Variants in RLBP1 observed in about 807,000 individuals in gnomAD.
RLBP1 encodes retinaldehyde-binding protein 1.
Under a neutral mutation model 36.2 loss-of-function variants are expected in RLBP1, and 26 were observed. The ratio of observed to expected loss-of-function variants is 0.72; its 90% confidence interval spans 0.53 to 1.00. RLBP1 has a LOEUF of 1.00. RLBP1 is among the 50% of genes least tolerant of loss of function. The pLI is 0.00. For missense variants in RLBP1, 410 were observed against 402.4 expected, an observed-to-expected ratio of 1.02 and a Z score of -0.16; for synonymous variants, 155 against 156.2, an observed-to-expected ratio of 0.99 and a Z score of 0.06.
At chr15:89,216,837 C>T (rs972023293) in intron 5 of RLBP1, among the ~76,000 whole-genome samples, 1 of 152,182 alleles carries the variant, frequency 6.6e-6, no homozygotes, top group Admixed American at 6.5e-5. Flanking sequence ...TTCCTCCCCT[C>T]GTCACCCAAA....
intron 6 of RLBP1, among the ~76,000 whole-genome samples, chr15:89,212,267 A>T (rs1288002911): frequency 6.6e-6 from 1 of 152,234 alleles, no homozygotes; most frequent in Non-Finnish European, 1.5e-5. Flanking sequence ...ATTATTGTAG[A>T]ATATAATCCC....
At chr15:89,216,523 C>T (rs1335001930) in intron 5 of RLBP1, among the ~76,000 whole-genome samples, 2 of 152,102 alleles carry the variant, frequency 1.3e-5, no homozygotes, top group African/African-American at 2.4e-5. Flanking sequence ...GGTTTCTCCA[C>T]GTTGGTCAGG....
chr15:89,219,085 T>G lies in RLBP1; in HGVS notation c.-100-10A>C. ...GGATAGGAAGTCAGGGCTGCAGGGG[T>G]TAGAAAAACCATTCTGTTATTGTCT... On this transcript the variant is annotated splice_polypyrimidine_tract_variant and intron_variant, in intron 2 of 8. Coordinates refer to ENST00000268125, the MANE Select transcript of RLBP1 (RefSeq NM_000326.5). 8.0e-7 allele frequency: 1 copy of G among 1,249,204 alleles called. No individual in the cohort carries two copies. The highest frequency in any genetic ancestry group is 1.2e-6 in the Non-Finnish European group (1 of 853,204). The allele number at this position is 1,249,204 out of a possible 1,614,324, so 77.4% of individuals were successfully genotyped here.
chr15:89,221,003 CTTTT>C lies in RLBP1; in HGVS notation c.-224+528_-224+531del, dbSNP rs562626834. Among the ~76,000 whole-genome samples, 270 of 129,272 alleles carry C rather than the reference CTTTT, an allele frequency of 2.1e-3. 8 individuals are homozygous for C. Among genetic ancestry groups the C allele is most frequent in the South Asian group, 0.01 (40 of 3,962 alleles). 84.8% of individuals were successfully genotyped at this position (129,272 alleles called of 152,430 possible). ...TACAGAATGCCCAGTTAAATGTGAA[CTTTT>C]TTTTTTTTTTTTTTTTTGAGATGGA... On this transcript the variant is annotated intron_variant, in intron 1 of 8. Coordinates refer to ENST00000268125, the MANE Select transcript of RLBP1 (RefSeq NM_000326.5).
At chr15:89,219,127 A>C in intron 2 of RLBP1, 52 bp from the exon 3 acceptor site, 49 of 888,034 alleles carry the variant, frequency 5.5e-5, no homozygotes, top group Middle Eastern at 3.2e-4. Flanking sequence ...TGTGGATCTC[A>C]AACTTTCAAT....
Position 89,217,165 on chromosome 15 carries a change from G to A in RLBP1, c.301C>T (p.Arg101Cys), listed in dbSNP as rs1370201404. The change falls in exon 5 of 9, where the codon CGC (arginine) becomes TGC (cysteine). Residue 101 changes from arginine to cysteine, a missense_variant. Coordinates refer to ENST00000268125, the MANE Select transcript of RLBP1 (RefSeq NM_000326.5). ...KDSGFFLRFIRARKFNVGRAY... is the reference protein window; with the variant it reads ...KDSGFFLRFICARKFNVGRAY... ...CGGCCCACGTTGAACTTCCGTGCGC[G>A]GATGAAGCGCAGGAAGAAGCCGCTG... is the stretch of plus-strand genomic sequence containing the variant. The A allele has an allele frequency of 6.2e-7, 1 of 1,614,010 alleles. No homozygotes were observed. Among genetic ancestry groups the A allele is most frequent in the Non-Finnish European group, 8.5e-7 (1 of 1,180,032 alleles).
rs2051522979 is a variant in RLBP1, at chr15:89,210,005, G to A, written c.*280C>T. 6 of 480,988 alleles carry A rather than the reference G, an allele frequency of 1.2e-5. No individual in the cohort carries two copies. Among genetic ancestry groups the A allele is most frequent in the East Asian group, 7.6e-5 (2 of 26,336 alleles). 29.8% of individuals were successfully genotyped at this position (480,988 alleles called of 1,614,324 possible). A position where few individuals can be genotyped will look rare whatever the true frequency, so the allele number is the denominator to read the frequency against. On this transcript the variant is annotated 3_prime_UTR_variant, in exon 9 of 9. Coordinates refer to ENST00000268125, the MANE Select transcript of RLBP1 (RefSeq NM_000326.5). This position sits in a 1 kb window ranked among gnomAD's most constrained non-coding sequence, Gnocchi z 4.7. Reference sequence around the variant, plus strand: ...AGGAAATGACTGAGAAAATGAATTCGAGTCTTTGAAATACAACCTTACACA... The same window carrying A: ...AGGAAATGACTGAGAAAATGAATTCAAGTCTTTGAAATACAACCTTACACA...
Position 89,217,295 on chromosome 15 carries a change from C to T in RLBP1, c.171G>A (p.Glu57=). The change falls in exon 5 of 9, where the codon GAG becomes GAA. Residue 57 remains glutamate (E), a synonymous_variant. Coordinates refer to ENST00000268125, the MANE Select transcript of RLBP1 (RefSeq NM_000326.5). The part of the protein sequence containing the change: ...KAKDELNERE[E]TREEAVRELQ... ...GCTCTCGCACTGCCTCCTCCCGGGT[C>T]TCCTCTCTCTCGTTCAGCTCATCCT... 1 of 1,607,556 alleles carries T rather than the reference C, an allele frequency of 6.2e-7. No individual in the cohort carries two copies. Among genetic ancestry groups the T allele is most frequent in the Admixed American group, 1.7e-5 (1 of 60,024 alleles).
Position 89,210,070 on chromosome 15 carries a change from T to A in RLBP1, c.*215A>T, listed in dbSNP as rs1204593500. ...AAAGCTTCAAGGGCAGGTGGAAATA[T>A]AACTATCCCCAGTTCTTCTTGTTCA... On this transcript the variant is annotated 3_prime_UTR_variant, in exon 9 of 9. Coordinates refer to ENST00000268125, the MANE Select transcript of RLBP1 (RefSeq NM_000326.5). The surrounding 1 kb of genome is among the most constrained non-coding windows in gnomAD (Gnocchi z 4.7). 5.0e-6 allele frequency: 3 copies of A among 594,078 alleles called. No homozygotes were observed. The East Asian group carries it at 8.5e-5, about 17-fold the overall frequency. The allele number at this position is 594,078 out of a possible 1,614,324, so 36.8% of individuals were successfully genotyped here. A position where few individuals can be genotyped will look rare whatever the true frequency, so the allele number is the denominator to read the frequency against.
intron 5 of RLBP1, among the ~76,000 whole-genome samples, chr15:89,215,464 G>A (rs148164842): frequency 3.3e-4 from 50 of 152,250 alleles, no homozygotes; most frequent in Middle Eastern, 3.4e-3. Context: ...AAATTGTTGT[G>A]GCAATCAAAT....
intron 6 of RLBP1, 27 bp downstream of exon 6, chr15:89,215,033 G>A (rs2051567444): frequency 1.2e-6 from 2 of 1,613,074 alleles, no homozygotes; most frequent in Non-Finnish European, 1.7e-6. Context: ...AGCCCACAGG[G>A]TGGGAGCCAG....
chr15:89,217,567 T>C (rs923436842), intron 4 of RLBP1, among the ~76,000 whole-genome samples: 7 of 152,250 alleles, frequency 4.6e-5, no homozygotes, highest in African/African-American at 7.2e-5. Flanking sequence ...TAAAAATGAC[T>C]GCCTACACTC....
intron 1 of RLBP1, among the ~76,000 whole-genome samples, chr15:89,221,267 C>G (rs934009273): frequency 1.3e-5 from 2 of 152,114 alleles, no homozygotes; most frequent in Non-Finnish European, 2.9e-5. Context: ...CCTCGGCCTC[C>G]CAAAGTGCTG....
In RLBP1 at chr15:89,210,354, C is replaced by T. The variant is rs765545676; in HGVS notation, c.885G>A (p.Lys295=). The part of the protein sequence containing the change: ...LPSDFGGTLP[K]YDGKAVAEQL... Reference sequence around the variant, plus strand: ...GCTCAGCAACGGCCTTGCCATCATACTTGGGCAGCGTGCCCCCGAAGTCAG... The same window carrying T: ...GCTCAGCAACGGCCTTGCCATCATATTTGGGCAGCGTGCCCCCGAAGTCAG... The change falls in exon 9 of 9, where the codon AAG becomes AAA. Residue 295 remains lysine, a synonymous_variant. Transcript: ENST00000268125. This position sits in a 1 kb window ranked among gnomAD's most constrained non-coding sequence, Gnocchi z 4.7. 4.8e-5 allele frequency: 78 copies of T among 1,614,142 alleles called. 1 individual carries two copies. The South Asian group carries it at 8.3e-4, about 17-fold the overall frequency.
chr15:89,210,526 C>T lies in RLBP1; in HGVS notation c.796-83G>A. The T allele has an allele frequency of 6.7e-7, 1 of 1,495,686 alleles. No individual in the cohort carries two copies. The highest frequency in any genetic ancestry group is 9.3e-7 in the Non-Finnish European group (1 of 1,076,200). The allele number at this position is 1,495,686 out of a possible 1,614,324, so 92.7% of individuals were successfully genotyped here. A position where few individuals can be genotyped will look rare whatever the true frequency, so the allele number is the denominator to read the frequency against. On this transcript the variant is annotated intron_variant, in intron 8 of 8. Transcript: ENST00000268125. The surrounding 1 kb of genome is among the most constrained non-coding windows in gnomAD (Gnocchi z 4.7). The stretch of plus-strand genomic sequence containing the variant: ...TTGAGGGAGGAAAGGGGCAGGAGGA[C>T]AAAGCCCCATCATGTGCAGTCTTTG...
At chr15:89,215,025 CCCACAGGGTGGGAG>C (rs1274767179) in intron 6 of RLBP1, 21 bp downstream of exon 6, 11 of 1,611,114 alleles carry the variant, frequency 6.8e-6, no homozygotes, top group Non-Finnish European at 9.3e-6. Context: ...GGGAACCCAG[CCCACAGGGTGGGAG>C]CCAGGCGAGC....
At chr15:89,212,014 G>T in intron 6 of RLBP1, 113 bp from the exon 7 acceptor site, 2 of 1,118,262 alleles carry the variant, frequency 1.8e-6, no homozygotes, top group Non-Finnish European at 2.6e-6. Context: ...TTTGCTGCAG[G>T]CTTTGATCTC....
Position 89,218,757 on chromosome 15 carries a change from G to T in RLBP1, c.13-64C>A. ...TCAGCCTGAGCCAGCCAGGGAAATG[G>T]GCCTGCTCAGACCTTCAGTTCTTTT... On this transcript the variant is annotated intron_variant, in intron 3 of 8. Transcript: ENST00000268125. The surrounding 1 kb of genome is among the most constrained non-coding windows in gnomAD (Gnocchi z 4.6). 4 of 1,608,606 alleles carry T rather than the reference G, an allele frequency of 2.5e-6. No homozygotes were observed. Among genetic ancestry groups the T allele is most frequent in the Non-Finnish European group, 3.4e-6 (4 of 1,179,076 alleles).
chr15:89,218,905 GAAGA>G lies in RLBP1; in HGVS notation c.12+55_12+58del. ...AGAGAAGTAAGGAGGGAGGGAGAGG[GAAGA>G]GAGAGAAGAGAGGGAAGGTGGGTGG... On this transcript the variant is annotated intron_variant, in intron 3 of 8. Coordinates refer to ENST00000268125, the MANE Select transcript of RLBP1 (RefSeq NM_000326.5). This position sits in a 1 kb window ranked among gnomAD's most constrained non-coding sequence, Gnocchi z 4.6. 6.3e-7 allele frequency: 1 copy of G among 1,581,506 alleles called. No homozygotes were observed. The highest frequency in any genetic ancestry group is 1.7e-5 in the Admixed American group (1 of 59,440).
Sources: gnomAD v4.1 joint callset for allele counts (sites outside exome capture counted in the v4.1 genomes callset) on GRCh38, gnomAD v4.1.1 for gene constraint, Gnocchi (gnomAD v3.1) non-coding constraint, MANE v1.5 for transcripts, NCBI Gene and HGNC (gene_info 2026-07-23, HGNC 2026-07-21) for gene names.